Variants in RNGTT observed in about 807,000 individuals in gnomAD.
RNGTT encodes the protein RNA guanylyltransferase and 5'-phosphatase.
RNGTT carries 33 observed loss-of-function variants against 79.3 expected under a neutral mutation model. The ratio of observed to expected loss-of-function variants is 0.42; its 90% confidence interval spans 0.32 to 0.56. RNGTT has a LOEUF of 0.56. Ranked by LOEUF, RNGTT falls within the 20% of genes least tolerant of loss-of-function variation. RNGTT has a pLI of 0.17. For missense variants in RNGTT, 497 were observed against 739.1 expected, an observed-to-expected ratio of 0.67 and a Z score of 3.80; for synonymous variants, 222 against 235.9, an observed-to-expected ratio of 0.94 and a Z score of 0.54.
chr6:88,872,005 C>G (rs183555932), intron 8 of RNGTT, among the ~76,000 whole-genome samples: 1 of 152,200 alleles, frequency 6.6e-6, no homozygotes, highest in African/African-American at 2.4e-5. Context: ...GAAGCCTATT[C>G]TCCACCTTCC....
chr6:88,690,636 G>A (rs1775444494), intron 13 of RNGTT, among the ~76,000 whole-genome samples: 1 of 152,020 alleles, frequency 6.6e-6, no homozygotes, highest in South Asian at 2.1e-4. Flanking sequence ...CTTGATCCCA[G>A]GAATTTGAGA....
At chr6:88,825,869 C>G (rs570463743) in intron 11 of RNGTT, among the ~76,000 whole-genome samples, 1 of 152,340 alleles carries the variant, frequency 6.6e-6, no homozygotes, top group South Asian at 2.1e-4. Flanking sequence ...CTTCTCCTCA[C>G]TCTGCACCCG....
intron 12 of RNGTT, among the ~76,000 whole-genome samples, chr6:88,782,860 C>T (rs556835428): frequency 2.4e-4 from 37 of 152,174 alleles, no homozygotes; most frequent in Middle Eastern, 6.8e-3. Context: ...TTCACATTTA[C>T]GAGGATGCCT....
At chr6:88,724,326 C>T (rs546634136) in intron 13 of RNGTT, among the ~76,000 whole-genome samples, 2 of 152,064 alleles carry the variant, frequency 1.3e-5, no homozygotes, top group Non-Finnish European at 2.9e-5. Context: ...ATCTTTTGTA[C>T]CTTATTTTTA....
intron 13 of RNGTT, among the ~76,000 whole-genome samples, chr6:88,755,228 G>A (rs901362440): frequency 1.3e-5 from 2 of 152,098 alleles, no homozygotes; most frequent in African/African-American, 4.8e-5. Context: ...ATTCCCATCT[G>A]AGAAAATTAC....
Position 88,649,494 on chromosome 6 carries a change from G to C in RNGTT, c.1506+28859C>G, listed in dbSNP as rs7771954. On this transcript the variant is annotated intron_variant, in intron 14 of 15. Coordinates refer to ENST00000369485, the MANE Select transcript of RNGTT (RefSeq NM_003800.5). ...CGGTGGATCACGAGGTCAGGAGATC[G>C]AGACCAGCCTGGCTAACACGGTGAA... is the stretch of plus-strand genomic sequence containing the variant. Among the ~76,000 whole-genome samples, 1,175 of 152,244 alleles carry C rather than the reference G, an allele frequency of 7.7e-3. 8 individuals carry two copies. The highest frequency in any genetic ancestry group is 0.026 in the African/African-American group (1,089 of 41,548).
At chr6:88,649,372 T>C (rs1252392034) in intron 14 of RNGTT, among the ~76,000 whole-genome samples, 1 of 152,176 alleles carries the variant, frequency 6.6e-6, no homozygotes, top group African/African-American at 2.4e-5. Context: ...TTCATTTTAA[T>C]GTAAAAGTGG....
intron 13 of RNGTT, among the ~76,000 whole-genome samples, chr6:88,739,336 G>A (rs1038296465): frequency 6.6e-6 from 1 of 152,080 alleles, no homozygotes; most frequent in African/African-American, 2.4e-5. Context: ...CTTCCAGCTG[G>A]TAAGTGTTTT....
chr6:88,638,115 C>T (rs1396305824), intron 14 of RNGTT, among the ~76,000 whole-genome samples: 1 of 152,188 alleles, frequency 6.6e-6, no homozygotes, highest in Middle Eastern at 3.4e-3. Flanking sequence ...ACCAGCCTGC[C>T]ACCTCTCTCA....
chr6:88,843,149 C>CA (rs34225763), intron 11 of RNGTT, among the ~76,000 whole-genome samples: 32,348 of 129,260 alleles, frequency 0.25, 4,145 homozygotes, highest in Non-Finnish European at 0.32. Flanking sequence ...GCCTACAGAT[C>CA]AAAAAAAAAA....
At chr6:88,946,711 G>A (rs536813705) in intron 1 of RNGTT, among the ~76,000 whole-genome samples, 1 of 151,210 alleles carries the variant, frequency 6.6e-6, no homozygotes, top group African/African-American at 2.4e-5. Flanking sequence ...CGGAGCCGAA[G>A]CTGGACTGTA....
intron 8 of RNGTT, among the ~76,000 whole-genome samples, chr6:88,854,101 T>A (rs1047284083): frequency 6.7e-6 from 1 of 149,192 alleles, no homozygotes; most frequent in South Asian, 2.2e-4. Flanking sequence ...ATTTGTTTGT[T>A]TTTTCTTTCT....
chr6:88,797,652 T>A (rs936796500), intron 12 of RNGTT, among the ~76,000 whole-genome samples: 1 of 151,980 alleles, frequency 6.6e-6, no homozygotes, highest in Non-Finnish European at 1.5e-5. Context: ...ATATTCCTAA[T>A]GCTAGATGAC....
intron 11 of RNGTT, among the ~76,000 whole-genome samples, chr6:88,806,750 C>A (rs1361644595): frequency 6.6e-6 from 1 of 152,074 alleles, no homozygotes; most frequent in East Asian, 1.9e-4. Context: ...TGGGTATATA[C>A]CCAAGGAATA....
At chr6:88,655,167 A>G (rs1412589161) in intron 14 of RNGTT, among the ~76,000 whole-genome samples, 1 of 152,210 alleles carries the variant, frequency 6.6e-6, no homozygotes, top group African/African-American at 2.4e-5. Flanking sequence ...GTTTCCTAGC[A>G]TATTTCAGTC....
intron 8 of RNGTT, among the ~76,000 whole-genome samples, chr6:88,876,281 C>T (rs1250127057): frequency 6.6e-6 from 1 of 152,186 alleles, no homozygotes; most frequent in Non-Finnish European, 1.5e-5. Flanking sequence ...GTAATCCCAA[C>T]ACTTTGGGAG....
At chr6:88,681,743 C>T (rs1471672584) in intron 13 of RNGTT, among the ~76,000 whole-genome samples, 2 of 151,996 alleles carry the variant, frequency 1.3e-5, no homozygotes. Context: ...AAAATAGAAA[C>T]CCTGACTCAC....
At chr6:88,662,047 C>A (rs1158048462) in intron 14 of RNGTT, among the ~76,000 whole-genome samples, 1 of 152,132 alleles carries the variant, frequency 6.6e-6, no homozygotes, top group African/African-American at 2.4e-5. Context: ...ACCACATAAA[C>A]AGAATTAAAA....
intron 12 of RNGTT, among the ~76,000 whole-genome samples, chr6:88,772,232 T>A (rs1582442225): frequency 6.6e-6 from 1 of 151,490 alleles, no homozygotes; most frequent in East Asian, 1.9e-4. Flanking sequence ...TAGGAATTAA[T>A]TTAACCAAGG....
Sources: gnomAD v4.1 joint callset for allele counts (sites outside exome capture counted in the v4.1 genomes callset) on GRCh38, gnomAD v4.1.1 for gene constraint, MANE v1.5 for transcripts, NCBI Gene and HGNC (gene_info 2026-07-23, HGNC 2026-07-21) for gene names.